XKR9: variants seen among roughly 807,000 people sequenced by gnomAD.
The protein encoded by XKR9 is XK-related protein 9.
In XKR9, 32 loss-of-function variants were observed where a neutral mutation model predicts 32.0. The ratio of observed to expected loss-of-function variants is 1.00; its 90% confidence interval spans 0.76 to 1.34. XKR9 has a LOEUF of 1.34. XKR9 is among the 40% of genes most tolerant of loss of function. The pLI is 0.00. For missense variants in XKR9, 546 were observed against 429.7 expected, an observed-to-expected ratio of 1.27 and a Z score of -2.39; for synonymous variants, 168 against 143.4, an observed-to-expected ratio of 1.17 and a Z score of -1.22.
At chr8:70,722,017 C>A (rs1806298787) in intron 4 of XKR9, among the ~76,000 whole-genome samples, 1 of 152,062 alleles carries the variant, frequency 6.6e-6, no homozygotes, top group African/African-American at 2.4e-5. Flanking sequence ...ATAGTTAGGT[C>A]TTCTTGTTGC....
intron 2 of XKR9, among the ~76,000 whole-genome samples, chr8:70,747,882 G>T (rs1192829335): frequency 6.6e-6 from 1 of 152,050 alleles, no homozygotes; most frequent in Non-Finnish European, 1.5e-5. Flanking sequence ...TGTAAAATAA[G>T]AATTACATAT....
At chr8:70,876,811 T>C in the XKR9 span, among the ~76,000 whole-genome samples, 1 of 152,090 alleles carries the variant, frequency 6.6e-6, no homozygotes, top group African/African-American at 2.4e-5. Flanking sequence ...ATACAACTTG[T>C]GTGTGTGTGT....
chr8:70,825,850 T>C, the XKR9 span, among the ~76,000 whole-genome samples: 3 of 152,058 alleles, frequency 2.0e-5, no homozygotes, highest in African/African-American at 7.2e-5. Flanking sequence ...ACTTCCTTCC[T>C]TTTTCCTCTA....
the XKR9 span, among the ~76,000 whole-genome samples, chr8:70,886,890 T>C: frequency 6.6e-6 from 1 of 152,232 alleles, no homozygotes; most frequent in Non-Finnish European, 1.5e-5. Context: ...TTTAGTTTAA[T>C]TAGATCCCGT....
At chr8:71,042,979 A>G in the XKR9 span, among the ~76,000 whole-genome samples, 1 of 152,068 alleles carries the variant, frequency 6.6e-6, no homozygotes, top group African/African-American at 2.4e-5. Flanking sequence ...CTGAGGAGCA[A>G]CTCTGATAAG....
the XKR9 span, among the ~76,000 whole-genome samples, chr8:70,972,134 C>T: frequency 6.6e-6 from 1 of 152,050 alleles, no homozygotes. Flanking sequence ...TGATTTCTTT[C>T]AGTAGCATTT....
chr8:70,995,546 C>G, the XKR9 span, among the ~76,000 whole-genome samples: 2 of 152,146 alleles, frequency 1.3e-5, no homozygotes, highest in African/African-American at 4.8e-5. Context: ...TTGAAGAACC[C>G]TCTTTTGCCC....
chr8:70,975,510 A>G, the XKR9 span, among the ~76,000 whole-genome samples: 1 of 152,176 alleles, frequency 6.6e-6, no homozygotes, highest in Non-Finnish European at 1.5e-5. Context: ...TCCTTTCCCC[A>G]TTGCTTGTTT....
intron 1 of XKR9, among the ~76,000 whole-genome samples, chr8:70,670,327 G>A (rs1818669459): frequency 6.6e-6 from 1 of 152,140 alleles, no homozygotes; most frequent in Admixed American, 6.5e-5. Context: ...TAACAAGTCG[G>A]TTTCTTATCA....
chr8:70,805,978 T>A, the XKR9 span, among the ~76,000 whole-genome samples: 1 of 152,130 alleles, frequency 6.6e-6, no homozygotes, highest in Admixed American at 6.5e-5. Context: ...GAGTTGTCTG[T>A]CAGACACCCT....
chr8:70,723,496 G>A (rs531792114), intron 4 of XKR9, among the ~76,000 whole-genome samples: 30 of 152,274 alleles, frequency 2.0e-4, no homozygotes, highest in Middle Eastern at 3.4e-3. Context: ...TTTTGGTTGG[G>A]TGTCCTTTTT....
the XKR9 span, among the ~76,000 whole-genome samples, chr8:70,906,812 A>G: frequency 6.6e-6 from 1 of 152,176 alleles, no homozygotes; most frequent in Non-Finnish European, 1.5e-5. Context: ...TTTCTACAAT[A>G]AATATGTAAA....
the XKR9 span, among the ~76,000 whole-genome samples, chr8:70,905,517 C>T: frequency 9.7e-3 from 1,483 of 152,216 alleles, 23 homozygotes; most frequent in African/African-American, 0.034. Flanking sequence ...GTTAGCCATT[C>T]GTCTAATCTT....
the XKR9 span, among the ~76,000 whole-genome samples, chr8:71,027,791 G>T: frequency 7.7e-6 from 1 of 130,584 alleles, no homozygotes; most frequent in Non-Finnish European, 1.7e-5. Flanking sequence ...GGGGGGGGGG[G>T]TCTCACTCCG....
chr8:70,789,757 A>C (rs1187734143), intron 3 of XKR9, among the ~76,000 whole-genome samples: 1 of 152,034 alleles, frequency 6.6e-6, no homozygotes, highest in Non-Finnish European at 1.5e-5. Context: ...TTTAAAAAGC[A>C]AAGTCATCTT....
chr8:70,769,883 C>A (rs1807429734), intron 2 of XKR9, among the ~76,000 whole-genome samples: 2 of 151,994 alleles, frequency 1.3e-5, no homozygotes, highest in South Asian at 4.1e-4. Context: ...TGGGTTAGAA[C>A]ATGCTTCTTT....
intron 2 of XKR9, among the ~76,000 whole-genome samples, chr8:70,742,374 T>C (rs1807000405): frequency 6.6e-6 from 1 of 152,192 alleles, no homozygotes; most frequent in Non-Finnish European, 1.5e-5. Context: ...TATGTTTGCT[T>C]GTATGTTTGT....
At chr8:70,768,150 A>T (rs1300854316) in intron 2 of XKR9, among the ~76,000 whole-genome samples, 1 of 151,986 alleles carries the variant, frequency 6.6e-6, no homozygotes, top group Non-Finnish European at 1.5e-5. Context: ...CAAAGAACTT[A>T]TTTATTTTTA....
At chr8:71,020,266 G>A in the XKR9 span, among the ~76,000 whole-genome samples, 1 of 152,116 alleles carries the variant, frequency 6.6e-6, no homozygotes, top group African/African-American at 2.4e-5. Flanking sequence ...GAATTAATGA[G>A]GCCAAAGTTC....
Sources: gnomAD v4.1 joint callset for allele counts (sites outside exome capture counted in the v4.1 genomes callset) on GRCh38, gnomAD v4.1.1 for gene constraint, MANE v1.5 for transcripts, NCBI Gene and HGNC (gene_info 2026-07-23, HGNC 2026-07-21) for gene names.